PACRG: variants seen among roughly 807,000 people sequenced by gnomAD.
PACRG encodes the protein parkin coregulated gene protein.
In PACRG, 29 loss-of-function variants were observed where a neutral mutation model predicts 29.7. The ratio of observed to expected loss-of-function variants is 0.98; its 90% CI spans 0.73 to 1.33. The LOEUF is 1.33. Among genes scored for constraint, PACRG ranks in the 40% most tolerant of loss-of-function variants. The pLI is 0.00. For missense variants in PACRG, 279 were observed against 316.2 expected (o/e 0.88, Z 0.89); for synonymous variants, 116 against 118.7 (o/e 0.98, Z 0.15).
intron 1 of PACRG, among the ~76,000 whole-genome samples, chr6:162,751,419 G>A (rs4523066): frequency 0.045 from 6,770 of 152,048 alleles, 518 homozygotes; most frequent in African/African-American, 0.15. Context: ...ATTTGTTTCT[G>A]CTGTAATTCA....
chr6:163,066,116 A>G (rs771529921), intron 3 of PACRG, among the ~76,000 whole-genome samples: 1 of 152,210 alleles, frequency 6.6e-6, no homozygotes, highest in Non-Finnish European at 1.5e-5. Context: ...GTGAAAACAG[A>G]CTCAGGTGGA....
chr6:162,795,871 C>T (rs1024576267), intron 1 of PACRG, among the ~76,000 whole-genome samples: 2 of 152,098 alleles, frequency 1.3e-5, no homozygotes, highest in Non-Finnish European at 2.9e-5. Context: ...TTATCAATAT[C>T]TCCTAATTGA....
At chr6:162,881,800 G>T (rs1793872260) in intron 2 of PACRG, among the ~76,000 whole-genome samples, 1 of 149,800 alleles carries the variant, frequency 6.7e-6, no homozygotes, top group African/African-American at 2.5e-5. Flanking sequence ...CAAGGTTAGA[G>T]ACCCTGGGGT....
chr6:162,782,226 A>G (rs1470160125), intron 1 of PACRG, among the ~76,000 whole-genome samples: 1 of 151,940 alleles, frequency 6.6e-6, no homozygotes, highest in African/African-American at 2.4e-5. Context: ...AATTCTAAAT[A>G]CTAAGCAGAA....
intron 4 of PACRG, among the ~76,000 whole-genome samples, chr6:163,174,630 C>T (rs1217590826): frequency 1.3e-5 from 2 of 152,108 alleles, no homozygotes; most frequent in Non-Finnish European, 2.9e-5. Flanking sequence ...CAGGAGAATC[C>T]CAGACTCGTA....
At chr6:163,209,104 T>C (rs952479009) in intron 4 of PACRG, among the ~76,000 whole-genome samples, 8 of 152,312 alleles carry the variant, frequency 5.3e-5, no homozygotes, top group South Asian at 4.1e-4. Context: ...TAGGCACATT[T>C]TTCTGACACC....
chr6:162,940,446 A>C (rs1242638758), intron 2 of PACRG, among the ~76,000 whole-genome samples: 1 of 151,078 alleles, frequency 6.6e-6, no homozygotes, highest in African/African-American at 2.4e-5. Context: ...GTCTGTCTGT[A>C]TGTGTCTTCT....
intron 2 of PACRG, among the ~76,000 whole-genome samples, chr6:162,875,207 TCACACACACACATG>T (rs1793211370): frequency 7.2e-6 from 1 of 138,732 alleles, no homozygotes; most frequent in African/African-American, 2.7e-5. Flanking sequence ...CCACGCACAT[TCACACACACACATG>T]CACACACAGA....
intron 1 of PACRG, among the ~76,000 whole-genome samples, chr6:162,728,769 A>C (rs1045321897): frequency 6.6e-6 from 1 of 152,246 alleles, no homozygotes; most frequent in African/African-American, 2.4e-5. Flanking sequence ...AAACTCTTGC[A>C]AAATTTAACA....
chr6:162,885,268 T>C (rs923529865), intron 2 of PACRG, among the ~76,000 whole-genome samples: 5 of 150,402 alleles, frequency 3.3e-5, no homozygotes, highest in African/African-American at 9.8e-5. Flanking sequence ...TTCTTTCTCT[T>C]TTTTTTTTAA....
intron 4 of PACRG, among the ~76,000 whole-genome samples, chr6:163,297,909 T>C (rs1472785638): frequency 6.6e-6 from 1 of 152,142 alleles, no homozygotes; most frequent in Non-Finnish European, 1.5e-5. Flanking sequence ...TGACCATCAA[T>C]TCAGCTTCTC....
At chr6:163,285,460 A>C (rs1198817128) in intron 4 of PACRG, among the ~76,000 whole-genome samples, 2 of 152,156 alleles carry the variant, frequency 1.3e-5, no homozygotes, top group Non-Finnish European at 2.9e-5. Context: ...TGCTAGAGTG[A>C]ATCCCCATGA....
chr6:162,851,644 T>A (rs1359286608), intron 2 of PACRG, among the ~76,000 whole-genome samples: 1 of 152,194 alleles, frequency 6.6e-6, no homozygotes. Context: ...ATTGCCAGAT[T>A]TTTATGTTGT....
chr6:163,106,703 A>G (rs997749701), intron 4 of PACRG, among the ~76,000 whole-genome samples: 6 of 152,212 alleles, frequency 3.9e-5, no homozygotes, highest in African/African-American at 1.4e-4. Flanking sequence ...GCAAAGTACC[A>G]CTTGTACATG....
At chr6:163,234,821 C>T (rs1782172096) in intron 4 of PACRG, among the ~76,000 whole-genome samples, 2 of 152,192 alleles carry the variant, frequency 1.3e-5, no homozygotes, top group East Asian at 3.9e-4. Flanking sequence ...AAGCAGTTTT[C>T]ATATAGAGGT....
At chr6:162,771,197 A>G (rs1318421012) in intron 1 of PACRG, among the ~76,000 whole-genome samples, 1 of 152,180 alleles carries the variant, frequency 6.6e-6, no homozygotes, top group African/African-American at 2.4e-5. Context: ...CATTCAAGTT[A>G]CATCATAACT....
intron 1 of PACRG, among the ~76,000 whole-genome samples, chr6:162,764,930 G>A (rs1782665527): frequency 6.6e-6 from 1 of 151,808 alleles, no homozygotes; most frequent in Non-Finnish European, 1.5e-5. Context: ...ATTTTTAGTA[G>A]AGACGGGGTT....
intron 2 of PACRG, among the ~76,000 whole-genome samples, chr6:163,027,410 ATC>A (rs1422959118): frequency 5.3e-5 from 8 of 152,208 alleles, no homozygotes; most frequent in Admixed American, 2.0e-4. Flanking sequence ...ATTGGCTAAA[ATC>A]TGGAAACATT....
chr6:163,129,187 A>C (rs376057192), intron 4 of PACRG, among the ~76,000 whole-genome samples: 2 of 152,156 alleles, frequency 1.3e-5, no homozygotes, highest in South Asian at 2.1e-4. Flanking sequence ...ATGGGGGGGA[A>C]GTTGGGGAAG....
Sources: allele counts gnomAD v4.1 joint callset (sites outside exome capture counted in the v4.1 genomes callset), GRCh38; gene constraint gnomAD v4.1.1; transcripts MANE v1.5; gene names NCBI Gene and HGNC (gene_info 2026-07-23, HGNC 2026-07-21).